LONRF1: variants seen among roughly 807,000 people sequenced by gnomAD.
LONRF1 encodes the protein LON peptidase N-terminal domain and RING finger protein 1.
A neutral mutation model predicts 85.8 loss-of-function variants in LONRF1; 37 were observed. That is an observed-to-expected ratio of 0.43 (90% confidence interval 0.33 to 0.57). The LOEUF (loss-of-function observed/expected upper bound fraction) is 0.57. Ranked by LOEUF, LONRF1 falls within the 20% of genes least tolerant of loss-of-function variation. The pLI is 0.04. For synonymous variants in LONRF1, 517 were observed against 390.1 expected (o/e 1.33, Z -3.83); for missense variants, 1,036 against 978.0 (o/e 1.06, Z -0.79).
At chr8:12,725,164 G>A (rs753767617) in intron 11 of LONRF1, among the ~76,000 whole-genome samples, 3 of 152,150 alleles carry the variant, frequency 2.0e-5, no homozygotes, top group Non-Finnish European at 2.9e-5. Flanking sequence ...ACATTCATTA[G>A]ACTAAGCTTA....
At chr8:12,729,739 A>G (rs1798457324) in intron 8 of LONRF1, among the ~76,000 whole-genome samples, 1 of 152,214 alleles carries the variant, frequency 6.6e-6, no homozygotes, top group African/African-American at 2.4e-5. Context: ...ATAACAAGAA[A>G]AAGTGAACTC....
At position 12,723,203 on chromosome 8, in the gene LONRF1, C is replaced by G. The variant is rs761043475; in HGVS notation, c.2215G>C (p.Val739Leu). ...ACCGACAGCTGGTATCGTGGGTCTA[C>G]AGGGAGAACTGCAAGAAGCCACCAA... ...WCWWLLAVLP[V>L]DPRYQLSVLS... The change falls in exon 12 of 12, where the codon GTA (valine) becomes CTA (leucine). Residue 739 changes from valine (V) to leucine (L), a missense_variant. Physicochemically the swap from Val to Leu is conservative, Grantham distance 32. Coordinates refer to ENST00000398246, the MANE Select transcript of LONRF1 (RefSeq NM_152271.5). 3 of 1,614,070 alleles carry G rather than the reference C, an allele frequency of 1.9e-6. No homozygotes were observed. The South Asian group carries it at 3.3e-5, about 18-fold the overall frequency.
intron 10 of LONRF1, among the ~76,000 whole-genome samples, chr8:12,726,631 T>G (rs1798317773): frequency 6.6e-6 from 1 of 152,230 alleles, no homozygotes. Flanking sequence ...CTCATCCATC[T>G]TATACTGATT....
At position 12,725,889 on chromosome 8, in the gene LONRF1, C is replaced by A. The variant is rs994892606; in HGVS notation, c.2011-10G>T. 6.2e-7 allele frequency: 1 copy of A among 1,602,972 alleles called. No homozygotes were observed. The highest frequency in any genetic ancestry group is 1.7e-5 in the Admixed American group (1 of 59,842). The stretch of plus-strand genomic sequence containing the variant: ...CATCTTCATTCTCAACCTAGAAATA[C>A]AATAGTCAGTAAGACTTCTGTGTCT... On this transcript the variant is annotated splice_polypyrimidine_tract_variant and intron_variant, in intron 10 of 11. Transcript: ENST00000398246.
rs1051146305 is a variant in LONRF1, at chr8:12,754,897, G to C, written c.524C>G (p.Thr175Ser). 26 of 1,493,466 alleles carry C rather than the reference G, an allele frequency of 1.7e-5. No individual in the cohort carries two copies. The highest frequency in any genetic ancestry group is 1.6e-5 in the Non-Finnish European group (18 of 1,126,196). 92.5% of individuals were successfully genotyped at this position (1,493,466 alleles called of 1,614,324 possible). A position where few individuals can be genotyped will look rare whatever the true frequency, so the allele number is the denominator to read the frequency against. The change falls in exon 1 of 12, where the codon ACC (threonine) becomes AGC (serine). Residue 175 changes from threonine (T) to serine (S), a missense_variant. Thr to Ser is a moderately conservative substitution (Grantham distance 58). This residue lies in a region of LONRF1 where 742 missense variants were observed against 614.4 expected (regional missense o/e 1.21). Transcript: ENST00000398246. ...ATASATDAEG[T>S]APRPPPLAAA... Reference sequence around the variant, plus strand: ...GGCCAGAGGCGGCGGCCGCGGGGCGGTCCCTTCAGCATCAGTGGCACTGGC... The same window carrying C: ...GGCCAGAGGCGGCGGCCGCGGGGCGCTCCCTTCAGCATCAGTGGCACTGGC...
Position 12,755,083 on chromosome 8 carries a change from G to A in LONRF1, c.338C>T (p.Ala113Val). 10 of 1,472,414 alleles carry A rather than the reference G, an allele frequency of 6.8e-6. No individual in the cohort carries two copies. Among genetic ancestry groups the A allele is most frequent in the Non-Finnish European group, 9.0e-6 (10 of 1,117,230 alleles). The allele number at this position is 1,472,414 out of a possible 1,614,324, so 91.2% of individuals were successfully genotyped here. Residue 113 changes from alanine (A) to valine (V), a missense_variant, in exon 1 of 12, where the codon GCT becomes GTT. This residue lies in a region of LONRF1 where 742 missense variants were observed against 614.4 expected (regional missense o/e 1.21). Coordinates refer to ENST00000398246, the MANE Select transcript of LONRF1 (RefSeq NM_152271.5). ...LGWSAAPVAGADGGAGGLLRC... is the reference protein window; with the variant it reads ...LGWSAAPVAGVDGGAGGLLRC... ...GAGGAGCCCGCCGGCGCCGCCGTCA[G>A]CGCCTGCAACCGGGGCCGCGCTCCA...
In LONRF1 at chr8:12,755,172, G is replaced by A. The variant is rs1181419076; in HGVS notation, c.249C>T (p.Pro83=). ...AALRRGAPAR[P]ECLGALVDCL... ...AGTCCACCAGGGCGCCCAGGCACTC[G>A]GGCCTGGCCGGGGCCCCGCGGCGCA... Residue 83 remains proline (P), a synonymous_variant, in exon 1 of 12, where the codon CCC becomes CCT. Coordinates refer to ENST00000398246, the MANE Select transcript of LONRF1 (RefSeq NM_152271.5). 2.8e-5 allele frequency: 38 copies of A among 1,362,346 alleles called. No homozygotes were observed. Among genetic ancestry groups the A allele is most frequent in the Non-Finnish European group, 3.6e-5 (38 of 1,063,684 alleles). 84.4% of individuals were successfully genotyped at this position (1,362,346 alleles called of 1,614,324 possible).
At position 12,737,335 on chromosome 8, in the gene LONRF1, G is replaced by A. The variant is rs1174652298; in HGVS notation, c.1114-195C>T. On this transcript the variant is annotated intron_variant, in intron 4 of 11. Transcript: ENST00000398246. ...GCACAGTTGGCCCTCCGTATCCACA[G>A]GCTCTGCATCCGTGGGTTCATCCAA... 1.9e-5 allele frequency: 14 copies of A among 726,674 alleles called. No individual in the cohort carries two copies. The East Asian group carries it at 3.8e-4, about 20-fold the overall frequency. 45.0% of individuals were successfully genotyped at this position (726,674 alleles called of 1,614,324 possible).
chr8:12,741,033 A>G, intron 2 of LONRF1, 37 bp from the exon 3 acceptor site: 2 of 1,600,874 alleles, frequency 1.2e-6, no homozygotes, highest in Non-Finnish European at 1.7e-6. Flanking sequence ...CTTTGTGTTA[A>G]GAATTGCTTT....
At chr8:12,731,275 C>G (rs1798518954) in intron 8 of LONRF1, among the ~76,000 whole-genome samples, 1 of 152,106 alleles carries the variant, frequency 6.6e-6, no homozygotes, top group South Asian at 2.1e-4. Flanking sequence ...GGATTTGGCC[C>G]TGAACACCCC....
rs146388942 is a variant in LONRF1 at position 12,723,375 on chromosome 8, A to G, written c.2164-121T>C. 1.1e-4 allele frequency: 91 copies of G among 847,654 alleles called. No individual in the cohort carries two copies. The African/African-American group carries it at 1.4e-3, about 13-fold the overall frequency. The allele number at this position is 847,654 out of a possible 1,614,324, so 52.5% of individuals were successfully genotyped here. ...TACTATGTGCCAGGTGCTATCTCCAATGTCCTTAACAATTATGCAAAGTAT... is the reference window on the plus strand; with the variant it reads ...TACTATGTGCCAGGTGCTATCTCCAGTGTCCTTAACAATTATGCAAAGTAT... On this transcript the variant is annotated intron_variant, in intron 11 of 11. Transcript: ENST00000398246.
intron 11 of LONRF1, among the ~76,000 whole-genome samples, chr8:12,723,585 T>G (rs1462132893): frequency 6.6e-6 from 1 of 152,222 alleles, no homozygotes. Flanking sequence ...CAGATAATTC[T>G]TTGTTGCATG....
chr8:12,721,988 G>C lies in LONRF1; in HGVS notation c.*1108C>G, dbSNP rs941381793. The C allele has an allele frequency of 1.3e-5, 2 of 152,428 alleles. No homozygotes were observed. The highest frequency in any genetic ancestry group is 2.9e-5 in the Non-Finnish European group (2 of 67,976). 9.4% of individuals were successfully genotyped at this position (152,428 alleles called of 1,614,324 possible). A position where few individuals can be genotyped will look rare whatever the true frequency, so the allele number is the denominator to read the frequency against. On this transcript the variant is annotated 3_prime_UTR_variant, in exon 12 of 12. Transcript: ENST00000398246. ...ACTTTTACAAATTACTTACATAAAA[G>C]AAAGTTAATAAGGACAGTCACAAAT...
Position 12,737,141 on chromosome 8 carries a change from CTACAAAAA to C in LONRF1, c.1114-9_1114-2del. 1 of 1,609,232 alleles carries C rather than the reference CTACAAAAA, an allele frequency of 6.2e-7. No homozygotes were observed. The highest frequency in any genetic ancestry group is 2.2e-5 in the East Asian group (1 of 44,816). ...AAGTGACCTCTGGTATTTCTTCACT[CTACAAAAA>C]TACAATAAACAAAGGTAACTGTATT... On this transcript the variant is annotated splice_acceptor_variant and splice_polypyrimidine_tract_variant and intron_variant, in intron 4 of 11. Transcript: ENST00000398246. LOFTEE classifies it high-confidence loss of function.
At chr8:12,728,452 T>G (rs954139719) in intron 10 of LONRF1, among the ~76,000 whole-genome samples, 2 of 152,246 alleles carry the variant, frequency 1.3e-5, no homozygotes, top group Non-Finnish European at 1.5e-5. Context: ...CTTATAAGAT[T>G]TGATGTGTTT....
chr8:12,754,884 CGGCCGCGGGGCGGT>C lies in LONRF1; in HGVS notation c.523_536del (p.Thr175AlafsTer65). Reference sequence around the variant, plus strand: ...CGGCGATGGCGGCGGCCAGAGGCGGCGGCCGCGGGGCGGTCCCTTCAGCATCAGTGGCACTGGCG... The same window carrying C: ...CGGCGATGGCGGCGGCCAGAGGCGGCCCCTTCAGCATCAGTGGCACTGGCG... On this transcript the variant is annotated frameshift_variant, in exon 1 of 12. Coordinates refer to ENST00000398246, the MANE Select transcript of LONRF1 (RefSeq NM_152271.5). LOFTEE classifies it high-confidence loss of function. 2 of 1,493,148 alleles carry C rather than the reference CGGCCGCGGGGCGGT, an allele frequency of 1.3e-6. No homozygotes were observed. Among genetic ancestry groups the C allele is most frequent in the Non-Finnish European group, 1.8e-6 (2 of 1,126,256 alleles). 92.5% of individuals were successfully genotyped at this position (1,493,148 alleles called of 1,614,324 possible). A position where few individuals can be genotyped will look rare whatever the true frequency, so the allele number is the denominator to read the frequency against.
chr8:12,734,957 A>T (rs532073743), intron 7 of LONRF1, among the ~76,000 whole-genome samples: 1 of 152,230 alleles, frequency 6.6e-6, no homozygotes, highest in East Asian at 1.9e-4. Flanking sequence ...TGAGGGTTGG[A>T]GGCAGGGCAA....
Position 12,754,811 on chromosome 8 carries a change from A to G in LONRF1, c.610T>C (p.Trp204Arg). 1 of 1,483,250 alleles carries G rather than the reference A, an allele frequency of 6.7e-7. No individual in the cohort carries two copies. The highest frequency in any genetic ancestry group is 8.9e-7 in the Non-Finnish European group (1 of 1,122,296). The allele number at this position is 1,483,250 out of a possible 1,614,324, so 91.9% of individuals were successfully genotyped here. Residue 204 changes from tryptophan to arginine, a missense_variant, in exon 1 of 12, where the codon TGG (tryptophan) becomes CGG (arginine). Physicochemically the swap from Trp to Arg is moderately radical, Grantham distance 101 (BLOSUM62 -3). This residue lies in a region of LONRF1 where 742 missense variants were observed against 614.4 expected (regional missense o/e 1.21). Transcript: ENST00000398246. The stretch of plus-strand genomic sequence containing the variant: ...GCCCGCTCGCGCTGGCCCGGAAACC[A>G]CTTCTCGGCCAGGTGGTTGAGGACG... Reference protein sequence around the residue: ...SVVLNHLAEKWFPGQRERARA... With the variant: ...SVVLNHLAEKRFPGQRERARA...
At chr8:12,731,269 T>C (rs1798518718) in intron 8 of LONRF1, among the ~76,000 whole-genome samples, 1 of 152,100 alleles carries the variant, frequency 6.6e-6, no homozygotes, top group Admixed American at 6.6e-5. Flanking sequence ...AATTGAGGAT[T>C]TGGCCCTGAA....
Sources: gnomAD v4.1 joint callset for allele counts (sites outside exome capture counted in the v4.1 genomes callset) on GRCh38, gnomAD v4.1.1 for gene constraint, gnomAD v4.1.1 regional missense constraint, MANE v1.5 for transcripts, NCBI Gene and HGNC (gene_info 2026-07-23, HGNC 2026-07-21) for gene names.